The following UNC79 variants were observed in gnomAD, a reference collection of about 807,000 sequenced individuals.
The protein encoded by UNC79 is protein unc-79 homolog.
Under a neutral mutation model 283.1 loss-of-function variants are expected in UNC79, and 37 were observed. The observed-to-expected ratio is 0.13, with a 90% CI of 0.10 to 0.17. The LOEUF is 0.17. Among genes scored for constraint, UNC79 ranks in the 10% least tolerant of loss-of-function variants. The probability of loss-of-function intolerance (pLI) is 1.00; values close to 1 mark genes in which losing one functional copy is unlikely to be tolerated. For synonymous variants in UNC79, 1,107 were observed against 1,200.2 expected, an observed-to-expected ratio of 0.92 and a Z score of 1.61; for missense variants, 2,272 against 3,211.1, an observed-to-expected ratio of 0.71 and a Z score of 7.07.
intron 1 of UNC79, among the ~76,000 whole-genome samples, chr14:93,391,889 A>C (rs912579603): frequency 1.3e-5 from 2 of 152,254 alleles, no homozygotes; most frequent in African/African-American, 4.8e-5. Context: ...AGTGAATTGC[A>C]AACTAAAAGA....
chr14:93,567,438 G>A (rs1344744171), intron 14 of UNC79, among the ~76,000 whole-genome samples: 1 of 151,882 alleles, frequency 6.6e-6, no homozygotes, highest in Non-Finnish European at 1.5e-5. Flanking sequence ...TGTTGGGCAG[G>A]CTGGTCTCGA....
intron 14 of UNC79, among the ~76,000 whole-genome samples, chr14:93,558,861 C>T (rs942850761): frequency 1.3e-5 from 2 of 151,874 alleles, no homozygotes; most frequent in Non-Finnish European, 2.9e-5. Flanking sequence ...GAACCTTAGA[C>T]AGAAGCTTCT....
At chr14:93,551,445 G>A (rs1415456358) in intron 14 of UNC79, among the ~76,000 whole-genome samples, 1 of 152,156 alleles carries the variant, frequency 6.6e-6, no homozygotes, top group East Asian at 1.9e-4. Context: ...GGGTATGCAG[G>A]TCAGCAAAGC....
chr14:93,707,134 T>TA, downstream of UNC79: 1 of 424,802 alleles, frequency 2.4e-6, no homozygotes, highest in Non-Finnish European at 4.1e-6. Flanking sequence ...CATTATTTTT[T>TA]AAAAACCAAA....
chr14:93,557,836 A>G (rs967180118), intron 14 of UNC79, among the ~76,000 whole-genome samples: 1 of 152,226 alleles, frequency 6.6e-6, no homozygotes, highest in African/African-American at 2.4e-5. Flanking sequence ...GAAGTAATCT[A>G]GAGCAGACAG....
chr14:93,480,062 C>G (rs2058046201), intron 4 of UNC79, among the ~76,000 whole-genome samples: 1 of 152,138 alleles, frequency 6.6e-6, no homozygotes, highest in East Asian at 1.9e-4. Flanking sequence ...ATTGTGATAG[C>G]TGACAATTTG....
intron 1 of UNC79, among the ~76,000 whole-genome samples, chr14:93,365,257 GTGCCTATAAT>G (rs959623526): frequency 2.0e-5 from 3 of 151,824 alleles, no homozygotes; most frequent in African/African-American, 4.8e-5. Context: ...GTGGTGGCAG[GTGCCTATAAT>G]CCCAGCTACT....
At chr14:93,439,444 A>C (rs1453197376) in intron 1 of UNC79, among the ~76,000 whole-genome samples, 3 of 152,050 alleles carry the variant, frequency 2.0e-5, no homozygotes, top group African/African-American at 7.2e-5. Flanking sequence ...TATGGAGACC[A>C]TATTGCTTCC....
intron 1 of UNC79, among the ~76,000 whole-genome samples, chr14:93,405,222 G>A (rs2055202811): frequency 6.6e-6 from 1 of 151,204 alleles, no homozygotes; most frequent in African/African-American, 2.4e-5. Context: ...GGCGGAGTTT[G>A]CAGTGAGCCA....
chr14:93,638,910 C>A (rs2068756138), intron 32 of UNC79, among the ~76,000 whole-genome samples: 1 of 152,194 alleles, frequency 6.6e-6, no homozygotes, highest in African/African-American at 2.4e-5. Flanking sequence ...ATTGATTCAG[C>A]CAGTGTTGCC....
At chr14:93,365,304 G>A (rs1379406705) in intron 1 of UNC79, among the ~76,000 whole-genome samples, 1 of 145,466 alleles carries the variant, frequency 6.9e-6, no homozygotes, top group Non-Finnish European at 1.5e-5. Flanking sequence ...AGAATCACTA[G>A]AACCTGGGAG....
At chr14:93,541,487 G>A (rs1264320294) in intron 13 of UNC79, among the ~76,000 whole-genome samples, 3 of 152,136 alleles carry the variant, frequency 2.0e-5, no homozygotes, top group Admixed American at 2.0e-4. Context: ...TATCTCTATT[G>A]TGCTTGCATA....
At chr14:93,702,678 G>A (rs946504255) in intron 47 of UNC79, among the ~76,000 whole-genome samples, 8 of 152,230 alleles carry the variant, frequency 5.3e-5, no homozygotes, top group East Asian at 3.9e-4. Flanking sequence ...GCTCTCCTTC[G>A]TCTTTGGTTT....
At chr14:93,339,673 GC>G (rs536976943) in intron 1 of UNC79, among the ~76,000 whole-genome samples, 87 of 152,368 alleles carry the variant, frequency 5.7e-4, no homozygotes, top group African/African-American at 1.9e-3. Context: ...TGAAGGCTCT[GC>G]CCAAATCACA....
chr14:93,467,842 T>C, intron 2 of UNC79, 51 bp downstream of exon 2: 1 of 1,449,138 alleles, frequency 6.9e-7, no homozygotes, highest in African/African-American at 1.5e-5. Context: ...GTAGTATTGC[T>C]GAATTTATTG....
At chr14:93,481,794 C>A (rs2058159707) in intron 4 of UNC79, among the ~76,000 whole-genome samples, 1 of 152,020 alleles carries the variant, frequency 6.6e-6, no homozygotes, top group Non-Finnish European at 1.5e-5. Flanking sequence ...TTTAAATAAT[C>A]TTTAATATAT....
intron 7 of UNC79, among the ~76,000 whole-genome samples, chr14:93,506,046 T>G (rs1014844145): frequency 2.6e-5 from 4 of 152,114 alleles, no homozygotes; most frequent in Admixed American, 2.6e-4. Flanking sequence ...TCCTTTTTCT[T>G]GCTATTTTCC....
chr14:93,508,969 A>T (rs924422269), intron 7 of UNC79, among the ~76,000 whole-genome samples: 1 of 152,216 alleles, frequency 6.6e-6, no homozygotes, highest in Admixed American at 6.5e-5. Flanking sequence ...AAATACCTGA[A>T]ACTTGTTAAT....
chr14:93,550,534 A>AAAAG (rs1567095735), intron 14 of UNC79, among the ~76,000 whole-genome samples: 3 of 13,578 alleles, frequency 2.2e-4, no homozygotes, highest in East Asian at 1.1e-3. Context: ...AAAAAAAAAA[A>AAAAG]AAAAAAAGAG....
Sources: allele counts gnomAD v4.1 joint callset (sites outside exome capture counted in the v4.1 genomes callset), GRCh38; gene constraint gnomAD v4.1.1; transcripts MANE v1.5; gene names NCBI Gene and HGNC (gene_info 2026-07-23, HGNC 2026-07-21).